SYNE2: variants seen among roughly 807,000 people sequenced by gnomAD.
The protein encoded by SYNE2 is nesprin-2.
In SYNE2, 431 loss-of-function variants were observed where a neutral mutation model predicts 856.3. The observed-to-expected ratio is 0.50, with a 90% CI of 0.47 to 0.55. The LOEUF is 0.55. Among genes scored for constraint, SYNE2 ranks in the 20% least tolerant of loss-of-function variants. The pLI is 0.00. For missense variants in SYNE2, 8,129 were observed against 8,023.2 expected, an observed-to-expected ratio of 1.01 and a Z score of -0.50; for synonymous variants, 2,923 against 2,872.3, an observed-to-expected ratio of 1.02 and a Z score of -0.56.
chr14:64,029,961 C>A lies in SYNE2; in HGVS notation c.6781C>A (p.Leu2261Met). The change falls in exon 44 of 116, where the codon CTG (leucine) becomes ATG (methionine). Residue 2261 changes from leucine to methionine, a missense_variant. By Grantham distance (15) the Leu-to-Met change is conservative. Around this residue, in one of 3 missense-constraint regions of SYNE2, gnomAD observed 297 missense variants for 380.9 expected, o/e 0.78. Transcript: ENST00000555002. Reference protein sequence around the residue: ...HDSYQVCVTDLNTTLDNFSKE... With the variant: ...HDSYQVCVTDMNTTLDNFSKE... ...TTCATACCAGGTTTGCGTCACAGACCTGAATACTACATTGGACAATTTCTC... is the reference window on the plus strand; with the variant it reads ...TTCATACCAGGTTTGCGTCACAGACATGAATACTACATTGGACAATTTCTC... 6.2e-7 allele frequency: 1 copy of A among 1,614,038 alleles called. No homozygotes were observed.
At chr14:63,936,172 C>A (rs532045559) in intron 2 of SYNE2, among the ~76,000 whole-genome samples, 14 of 152,226 alleles carry the variant, frequency 9.2e-5, no homozygotes, top group African/African-American at 3.4e-4. Context: ...CGTGCCCAGC[C>A]CAAAATATTC....
At chr14:63,900,686 C>A (rs1207278363) in intron 1 of SYNE2, among the ~76,000 whole-genome samples, 2 of 152,080 alleles carry the variant, frequency 1.3e-5, no homozygotes, top group African/African-American at 4.8e-5. Flanking sequence ...ATAAAGTGCC[C>A]AGGAGGAGGG....
chr14:63,941,138 C>T (rs2095909251), intron 3 of SYNE2, among the ~76,000 whole-genome samples: 1 of 152,140 alleles, frequency 6.6e-6, no homozygotes, highest in Non-Finnish European at 1.5e-5. Flanking sequence ...TGCATGTGGT[C>T]ACACAGCTTA....
chr14:64,224,409 G>A, intron 113 of SYNE2, 52 bp from the exon 114 acceptor site: 2 of 1,303,080 alleles, frequency 1.5e-6, no homozygotes, highest in South Asian at 2.4e-5. Flanking sequence ...ATATCATGAA[G>A]AATATGCATG....
intron 63 of SYNE2, 59 bp from the exon 64 acceptor site, chr14:64,101,873 A>G: frequency 7.8e-7 from 1 of 1,282,268 alleles, no homozygotes; most frequent in African/African-American, 1.5e-5. Flanking sequence ...TGAGTAGGGC[A>G]CCGGTTATGA....
At chr14:63,869,655 A>C (rs911233993) in intron 1 of SYNE2, among the ~76,000 whole-genome samples, 8 of 151,466 alleles carry the variant, frequency 5.3e-5, no homozygotes, top group Admixed American at 1.3e-4. Context: ...AAAAAAAAAA[A>C]AAAACTGCTC....
intron 2 of SYNE2, among the ~76,000 whole-genome samples, chr14:63,931,656 C>A (rs896925235): frequency 3.3e-5 from 5 of 151,922 alleles, no homozygotes; most frequent in African/African-American, 4.8e-5. Flanking sequence ...TAAGTTTTAT[C>A]CTTAATACCT....
chr14:64,044,418 G>T (rs954152049), intron 45 of SYNE2, among the ~76,000 whole-genome samples: 3 of 152,174 alleles, frequency 2.0e-5, no homozygotes, highest in African/African-American at 7.2e-5. Context: ...TAGGCAAAGG[G>T]ACTTGCTTTG....
intron 6 of SYNE2, among the ~76,000 whole-genome samples, chr14:63,947,795 C>T (rs747303787): frequency 2.1e-4 from 32 of 152,036 alleles, no homozygotes; most frequent in Admixed American, 8.5e-4. Flanking sequence ...CGAGATCGTG[C>T]CATTGCCCTC....
chr14:63,990,090 C>T (rs1401868511), intron 19 of SYNE2, among the ~76,000 whole-genome samples: 2 of 152,158 alleles, frequency 1.3e-5, no homozygotes, highest in East Asian at 1.9e-4. Flanking sequence ...TTCTCCTCTC[C>T]ACTACTTTGA....
intron 65 of SYNE2, among the ~76,000 whole-genome samples, chr14:64,110,765 G>A (rs752757087): frequency 1.9e-4 from 29 of 151,854 alleles, no homozygotes; most frequent in Admixed American, 2.0e-4. Context: ...TAGTAACTTG[G>A]GTGCTTCTCA....
chr14:64,002,209 T>C (rs1014388031), intron 29 of SYNE2, 128 bp downstream of exon 29: 1 of 856,642 alleles, frequency 1.2e-6, no homozygotes, highest in South Asian at 1.6e-5. Flanking sequence ...AGTTTTTTTT[T>C]CAGTAATTTA....
At chr14:64,170,160 T>C in intron 93 of SYNE2, 68 bp from the exon 94 acceptor site, 12 of 1,460,348 alleles carry the variant, frequency 8.2e-6, no homozygotes, top group Non-Finnish European at 1.1e-5. Context: ...TGAGCTGCTA[T>C]TACCCACTGA....
intron 61 of SYNE2, among the ~76,000 whole-genome samples, chr14:64,097,715 T>A (rs2097688577): frequency 6.6e-6 from 1 of 152,230 alleles, no homozygotes; most frequent in Non-Finnish European, 1.5e-5. Flanking sequence ...GAGATTCTGA[T>A]TCACAAGGTC....
At chr14:63,843,097 C>A (rs548387047) in intron 1 of SYNE2, among the ~76,000 whole-genome samples, 2 of 151,754 alleles carry the variant, frequency 1.3e-5, no homozygotes, top group Non-Finnish European at 2.9e-5. Flanking sequence ...GGAGTGCAGA[C>A]GAGATCACAG....
chr14:64,216,415 G>T, intron 108 of SYNE2, 28 bp downstream of exon 108: 5 of 1,611,078 alleles, frequency 3.1e-6, no homozygotes, highest in Non-Finnish European at 3.4e-6. Context: ...TGGGAGTACA[G>T]CCTATGTCTG....
intron 1 of SYNE2, among the ~76,000 whole-genome samples, chr14:63,834,759 G>A (rs1464757950): frequency 6.6e-6 from 1 of 150,872 alleles, no homozygotes; most frequent in African/African-American, 2.4e-5. Context: ...TCCTGCCTCA[G>A]CTTCCCAAGT....
chr14:64,190,019 G>T (rs2139617579), intron 98 of SYNE2, 52 bp from the exon 99 acceptor site: 2 of 1,560,396 alleles, frequency 1.3e-6, no homozygotes, highest in Non-Finnish European at 8.8e-7. Context: ...GGCTGGAGAA[G>T]AAATGAGTTT....
chr14:64,091,134 T>C (rs1208284340), intron 60 of SYNE2, 86 bp downstream of exon 60: 2 of 1,237,682 alleles, frequency 1.6e-6, no homozygotes, highest in Non-Finnish European at 2.3e-6. Context: ...TTGAAATTCA[T>C]TATTATCCTA....
Sources: gnomAD v4.1 joint callset for allele counts (sites outside exome capture counted in the v4.1 genomes callset) on GRCh38, gnomAD v4.1.1 for gene constraint, gnomAD v4.1.1 regional missense constraint, MANE v1.5 for transcripts, NCBI Gene and HGNC (gene_info 2026-07-23, HGNC 2026-07-21) for gene names.